The following SHROOM4 variants were observed in gnomAD, a reference collection of about 807,000 sequenced individuals.
SHROOM4 encodes protein Shroom4.
In SHROOM4, 17 loss-of-function variants were observed where a neutral mutation model predicts 80.3. The observed-to-expected ratio is 0.21, with a 90% CI of 0.14 to 0.32. SHROOM4 has a LOEUF of 0.32. Among genes scored for constraint, SHROOM4 ranks in the 10% least tolerant of loss-of-function variants. SHROOM4 has a pLI of 1.00. For synonymous variants in SHROOM4, 400 were observed against 437.5 expected, an observed-to-expected ratio of 0.91 and a Z score of 1.07; for missense variants, 993 against 1,140.3, an observed-to-expected ratio of 0.87 and a Z score of 1.86.
rs34184946 is a variant in SHROOM4 at position 50,812,317 on chromosome X, TAAAA to T, written c.117+1581_117+1584del. On this transcript the variant is annotated intron_variant, in intron 1 of 8. Coordinates refer to ENST00000376020, the MANE Select transcript of SHROOM4 (RefSeq NM_020717.5). The stretch of plus-strand genomic sequence containing the variant: ...CACCAAAGGAGTTGAGTGTTTTTGT[TAAAA>T]AAAAAAAAAAAAAAAAAAAGCATAT... Among the ~76,000 whole-genome samples the T allele has an allele frequency of 1.0e-3, 67 of 66,757 alleles. 1 individual carries two copies. Among genetic ancestry groups the T allele is most frequent in the African/African-American group, 2.4e-3 (42 of 17,451 alleles). 58.0% of individuals were successfully genotyped at this position (66,757 alleles called of 115,157 possible). A position where few individuals can be genotyped will look rare whatever the true frequency, so the allele number is the denominator to read the frequency against.
At chrX:50,670,954 T>C (rs1557260777) in intron 2 of SHROOM4, among the ~76,000 whole-genome samples, 1 of 111,843 alleles carries the variant, frequency 8.9e-6, no homozygotes, top group African/African-American at 3.3e-5. Context: ...TTTTGATAAA[T>C]AATAAGACTT....
At chrX:50,658,639 C>T (rs1266489226) in intron 2 of SHROOM4, among the ~76,000 whole-genome samples, 2 of 111,488 alleles carry the variant, frequency 1.8e-5, no homozygotes, top group Non-Finnish European at 3.8e-5. Flanking sequence ...TTCTTAACCA[C>T]TATTCTAACC....
chrX:50,779,931 C>T (rs782121899), intron 1 of SHROOM4, among the ~76,000 whole-genome samples: 1 of 111,174 alleles, frequency 9.0e-6, no homozygotes, highest in East Asian at 2.9e-4. Context: ...TCATAGCAAG[C>T]GGTGGCAGCA....
intron 1 of SHROOM4, among the ~76,000 whole-genome samples, chrX:50,783,035 A>G (rs1488011476): frequency 2.7e-5 from 3 of 111,902 alleles, no homozygotes; most frequent in Non-Finnish European, 5.6e-5. Context: ...AATAAGGACT[A>G]ATAAAATAAT....
chrX:50,683,472 T>G (rs1557261979), intron 2 of SHROOM4, among the ~76,000 whole-genome samples: 3 of 110,999 alleles, frequency 2.7e-5, no homozygotes, highest in Non-Finnish European at 5.7e-5. Context: ...ATTCAGGAGG[T>G]AGGGAGCATG....
chrX:50,653,056 T>C (rs1273098633), intron 2 of SHROOM4, among the ~76,000 whole-genome samples: 2 of 111,931 alleles, frequency 1.8e-5, no homozygotes, highest in Non-Finnish European at 3.8e-5. Context: ...CCAGGCTCTT[T>C]TTTTGGTTCC....
chrX:50,719,888 T>C (rs781901090), intron 1 of SHROOM4, among the ~76,000 whole-genome samples: 4 of 112,415 alleles, frequency 3.6e-5, no homozygotes, highest in Non-Finnish European at 5.6e-5. Flanking sequence ...CCAGTAGGAA[T>C]TGAAGCAAGG....
intron 3 of SHROOM4, among the ~76,000 whole-genome samples, chrX:50,636,950 T>C (rs1931382940): frequency 9.0e-6 from 1 of 111,369 alleles, no homozygotes; most frequent in Non-Finnish European, 1.9e-5. Flanking sequence ...CCCAGGTACC[T>C]AGCAAGGGTT....
intron 1 of SHROOM4, among the ~76,000 whole-genome samples, chrX:50,739,155 C>T (rs1934581628): frequency 1.8e-5 from 2 of 111,257 alleles, no homozygotes; most frequent in African/African-American, 6.5e-5. Flanking sequence ...TGGATCCCTT[C>T]CTTACACCTT....
intron 2 of SHROOM4, chrX:50,687,313 A>G (rs1557262330): frequency 9.3e-6 from 1 of 107,850 alleles, no homozygotes; most frequent in Non-Finnish European, 1.9e-5. Flanking sequence ...ACATAGATAG[A>G]TCAGCATGCC....
At chrX:50,584,867 T>C (rs187189727), downstream of SHROOM4, among the ~76,000 whole-genome samples, 1 of 111,301 alleles carries the variant, frequency 9.0e-6, no homozygotes. Flanking sequence ...GCCAACCAGA[T>C]ATAAAGTTTT....
At chrX:50,582,752 C>T (rs1177069697), downstream of SHROOM4, among the ~76,000 whole-genome samples, 1 of 111,583 alleles carries the variant, frequency 9.0e-6, no homozygotes, top group Non-Finnish European at 1.9e-5. Context: ...TGAATGCTAA[C>T]ACCTCAACCA....
intron 1 of SHROOM4, among the ~76,000 whole-genome samples, chrX:50,742,393 C>T (rs1348033921): frequency 9.0e-6 from 1 of 110,882 alleles, no homozygotes; most frequent in Admixed American, 9.7e-5. Flanking sequence ...CTCCATACTT[C>T]ATTCAATTTT....
chrX:50,666,687 C>G (rs1932700513), intron 2 of SHROOM4, among the ~76,000 whole-genome samples: 1 of 111,880 alleles, frequency 8.9e-6, no homozygotes, highest in South Asian at 3.7e-4. Flanking sequence ...AATTTTTGTT[C>G]AAAATATTCC....
chrX:50,616,735 C>CTAACACAGGTGGT (rs1488275639), intron 5 of SHROOM4, among the ~76,000 whole-genome samples: 1 of 111,722 alleles, frequency 9.0e-6, no homozygotes, highest in Non-Finnish European at 1.9e-5. Context: ...CTAAAGGATT[C>CTAACACAGGTGGT]TAACACAGGT....
chrX:50,614,957 G>A (rs1930160283), intron 5 of SHROOM4, among the ~76,000 whole-genome samples: 1 of 111,985 alleles, frequency 8.9e-6, no homozygotes. Context: ...CAATAGAAAA[G>A]ATATGCAATA....
chrX:50,669,848 C>T (rs1470664017), intron 2 of SHROOM4, among the ~76,000 whole-genome samples: 2 of 111,597 alleles, frequency 1.8e-5, no homozygotes, highest in African/African-American at 3.3e-5. Context: ...AATTCTAGTA[C>T]TCTTGCTATT....
intron 1 of SHROOM4, among the ~76,000 whole-genome samples, chrX:50,708,933 C>A (rs782324767): frequency 1.8e-5 from 2 of 111,685 alleles, no homozygotes; most frequent in Admixed American, 1.9e-4. Context: ...GGAGGAAGAA[C>A]TTCCTGCCAG....
chrX:50,635,778 G>GAA, intron 3 of SHROOM4, 110 bp from the exon 4 acceptor site: 4 of 592,903 alleles, frequency 6.7e-6, no homozygotes, highest in Admixed American at 3.5e-5. Flanking sequence ...AGGAGGGTAG[G>GAA]CAAAAAAAAA....
Sources: gnomAD v4.1 joint callset for allele counts (sites outside exome capture counted in the v4.1 genomes callset) on GRCh38, gnomAD v4.1.1 for gene constraint, MANE v1.5 for transcripts, NCBI Gene and HGNC (gene_info 2026-07-23, HGNC 2026-07-21) for gene names.